The following PTPN13 variants were observed in gnomAD, a reference collection of about 807,000 sequenced individuals.
PTPN13 encodes tyrosine-protein phosphatase non-receptor type 13.
A neutral mutation model predicts 284.0 loss-of-function variants in PTPN13; 191 were observed. The ratio of observed to expected loss-of-function variants is 0.67; its 90% confidence interval spans 0.60 to 0.76. PTPN13 has a LOEUF of 0.76. Among genes scored for constraint, PTPN13 ranks in the 30% least tolerant of loss-of-function variants. PTPN13 has a pLI of 0.00. For missense variants in PTPN13, 2,797 were observed against 2,939.9 expected (o/e 0.95, Z 1.12); for synonymous variants, 986 against 1,022.3 (o/e 0.96, Z 0.68).
At chr4:86,626,015 A>G (rs1721794760) in intron 1 of PTPN13, among the ~76,000 whole-genome samples, 1 of 152,176 alleles carries the variant, frequency 6.6e-6, no homozygotes, top group South Asian at 2.1e-4. Flanking sequence ...AAGGTGTTGT[A>G]GAAAGACAAT....
At chr4:86,793,158 G>A (rs550612422) in intron 40 of PTPN13, among the ~76,000 whole-genome samples, 24 of 152,178 alleles carry the variant, frequency 1.6e-4, no homozygotes, top group Admixed American at 1.4e-3. Flanking sequence ...AAAGGGATGG[G>A]GGAAGATCTA....
chr4:86,693,768 T>C, intron 6 of PTPN13, 94 bp downstream of exon 6: 2 of 811,554 alleles, frequency 2.5e-6, no homozygotes, highest in East Asian at 2.8e-5. Flanking sequence ...AATCTGGTAA[T>C]TGAGACTATG....
intron 17 of PTPN13, among the ~76,000 whole-genome samples, chr4:86,747,530 T>TAGTAGC (rs1423862081): frequency 6.7e-6 from 1 of 150,280 alleles, no homozygotes; most frequent in East Asian, 1.9e-4. Context: ...ATAGCGGTAA[T>TAGTAGC]AGTAGCAGCA....
chr4:86,686,963 A>G (rs1040474402), intron 4 of PTPN13, among the ~76,000 whole-genome samples, 188 bp downstream of exon 4: 2 of 152,220 alleles, frequency 1.3e-5, no homozygotes, highest in African/African-American at 4.8e-5. Flanking sequence ...TACTAAAGAC[A>G]CTATTTTTAA....
chr4:86,626,795 G>A (rs559618338), intron 1 of PTPN13, among the ~76,000 whole-genome samples: 3 of 152,222 alleles, frequency 2.0e-5, no homozygotes, highest in Admixed American at 2.0e-4. Context: ...AAAGTTATAT[G>A]TGGATTTTCA....
chr4:86,611,319 A>G (rs1275159513), intron 1 of PTPN13, among the ~76,000 whole-genome samples: 1 of 152,196 alleles, frequency 6.6e-6, no homozygotes, highest in Admixed American at 6.5e-5. Context: ...AGCAGAATGG[A>G]CTGCCTTTAA....
intron 35 of PTPN13, among the ~76,000 whole-genome samples, chr4:86,777,025 C>T (rs1740737306): frequency 6.6e-6 from 1 of 152,220 alleles, no homozygotes; most frequent in Non-Finnish European, 1.5e-5. Flanking sequence ...TCTACTCAAC[C>T]TTATAACAGT....
chr4:86,732,772 A>G lies in PTPN13; in HGVS notation c.1858+6A>G, dbSNP rs1735087050. On this transcript the variant is annotated splice_donor_region_variant and intron_variant, in intron 12 of 47. Coordinates refer to ENST00000411767, the MANE Select transcript of PTPN13 (RefSeq NM_080683.3). ...TGCTTTAGCTACCCTCAAAGGTACC[A>G]AGACATTTTATATTCAGAGTACAGT... The G allele has an allele frequency of 6.2e-7, 1 of 1,610,000 alleles. No homozygotes were observed. The highest frequency in any genetic ancestry group is 1.1e-5 in the South Asian group (1 of 90,624).
At chr4:86,803,897 G>A in intron 43 of PTPN13, 40 bp downstream of exon 43, 1 of 1,582,152 alleles carries the variant, frequency 6.3e-7, no homozygotes, top group Non-Finnish European at 8.6e-7. Flanking sequence ...CAAAGTGTAT[G>A]CATTTAGTTT....
At chr4:86,703,506 A>C (rs62308417) in intron 7 of PTPN13, among the ~76,000 whole-genome samples, 3 of 151,640 alleles carry the variant, frequency 2.0e-5, no homozygotes, top group Admixed American at 2.0e-4. Context: ...AATAATGAAG[A>C]TATGTACCAA....
At chr4:86,792,661 T>C (rs2149341243) in intron 40 of PTPN13, among the ~76,000 whole-genome samples, 1 of 152,278 alleles carries the variant, frequency 6.6e-6, no homozygotes, top group South Asian at 2.1e-4. Context: ...CAGCGATCTC[T>C]CAGCAGAAAG....
intron 1 of PTPN13, among the ~76,000 whole-genome samples, chr4:86,608,325 G>A (rs945639608): frequency 1.3e-5 from 2 of 151,982 alleles, no homozygotes; most frequent in Admixed American, 6.6e-5. Flanking sequence ...TATTTTGCCC[G>A]AAGATTTTTT....
At chr4:86,634,764 A>G (rs975646167) in intron 1 of PTPN13, among the ~76,000 whole-genome samples, 1 of 152,172 alleles carries the variant, frequency 6.6e-6, no homozygotes, top group African/African-American at 2.4e-5. Context: ...TATATTGGAG[A>G]TAATAGAAAT....
chr4:86,799,290 T>C, intron 42 of PTPN13, 86 bp downstream of exon 42: 1 of 808,496 alleles, frequency 1.2e-6, no homozygotes, highest in Non-Finnish European at 1.9e-6. Context: ...ATGGATATGC[T>C]GTTTTACCAT....
chr4:86,710,471 G>A (rs553976119), intron 7 of PTPN13, among the ~76,000 whole-genome samples: 3 of 152,304 alleles, frequency 2.0e-5, no homozygotes, highest in African/African-American at 7.2e-5. Context: ...GAAAATTGTA[G>A]ACTTTAATGT....
chr4:86,686,482 T>G (rs570908673), intron 3 of PTPN13, among the ~76,000 whole-genome samples: 1 of 152,336 alleles, frequency 6.6e-6, no homozygotes, highest in African/African-American at 2.4e-5. Context: ...CAAAACTGAT[T>G]ATGCATAAAG....
intron 28 of PTPN13, among the ~76,000 whole-genome samples, chr4:86,768,824 C>T (rs1430461278): frequency 1.3e-5 from 2 of 151,716 alleles, no homozygotes; most frequent in Non-Finnish European, 2.9e-5. Context: ...ATTCTCCTGC[C>T]TCAGCTTCCT....
At chr4:86,813,867 C>T (rs996140881) in intron 47 of PTPN13, among the ~76,000 whole-genome samples, 5 of 152,064 alleles carry the variant, frequency 3.3e-5, no homozygotes, top group African/African-American at 1.2e-4. Flanking sequence ...TAGTGGCCCA[C>T]CAATCAAAGA....
chr4:86,603,052 A>G (rs767963106), intron 1 of PTPN13, among the ~76,000 whole-genome samples: 3 of 152,250 alleles, frequency 2.0e-5, no homozygotes, highest in Non-Finnish European at 2.9e-5. Flanking sequence ...CACTTTTAGG[A>G]CATATGGCAT....
Sources: gnomAD v4.1 joint callset for allele counts (sites outside exome capture counted in the v4.1 genomes callset) on GRCh38, gnomAD v4.1.1 for gene constraint, MANE v1.5 for transcripts, NCBI Gene and HGNC (gene_info 2026-07-23, HGNC 2026-07-21) for gene names.